IQGAP3: variants seen among roughly 807,000 people sequenced by gnomAD.
IQGAP3 encodes IQ motif containing GTPase activating protein 3.
In IQGAP3, 165 loss-of-function variants were observed where a neutral mutation model predicts 208.2. The observed-to-expected ratio is 0.79, with a 90% CI of 0.70 to 0.90. The LOEUF (loss-of-function observed/expected upper bound fraction) is 0.90. Among genes scored for constraint, IQGAP3 ranks in the 40% least tolerant of loss-of-function variants. The pLI is 0.00. For missense variants in IQGAP3, 1,811 were observed against 2,043.1 expected, an observed-to-expected ratio of 0.89 and a Z score of 2.19; for synonymous variants, 703 against 803.6, an observed-to-expected ratio of 0.87 and a Z score of 2.12.
At chr1:156,572,394 G>T in intron 1 of IQGAP3, 99 bp downstream of exon 1, 1 of 1,334,608 alleles carries the variant, frequency 7.5e-7, no homozygotes, top group Non-Finnish European at 1.1e-6. Context: ...CGCCCCTCAG[G>T]CTTCACGCCC....
At chr1:156,548,793 C>T (rs1272311353) in intron 16 of IQGAP3, 45 bp from the exon 17 acceptor site, 1 of 1,508,272 alleles carries the variant, frequency 6.6e-7, no homozygotes, top group Non-Finnish European at 8.8e-7. Flanking sequence ...TCCCCCGAGT[C>T]CCTCCCATGG....
chr1:156,552,350 A>C (rs775979651), intron 13 of IQGAP3, among the ~76,000 whole-genome samples: 1 of 152,114 alleles, frequency 6.6e-6, no homozygotes, highest in African/African-American at 2.4e-5. Flanking sequence ...GATCTCACCC[A>C]ATCTCATGAC....
rs1675522285 is a variant in IQGAP3 at position 156,551,030 on chromosome 1, TA to T, written c.1734+674del. Among the ~76,000 whole-genome samples, 7 of 152,362 alleles carry T rather than the reference TA, an allele frequency of 4.6e-5. No individual in the cohort carries two copies. In the South Asian group the frequency reaches 1.4e-3, roughly 32 times the overall value. ...ACTGACTATGTGCCAGGCAGTATTC[TA>T]AAGCACTTTCTTATGCATTAATACT... On this transcript the variant is annotated intron_variant, in intron 15 of 37. Transcript: ENST00000361170.
At chr1:156,561,075 G>T in intron 10 of IQGAP3, 54 bp from the exon 11 acceptor site, 1 of 1,332,842 alleles carries the variant, frequency 7.5e-7, no homozygotes, top group Non-Finnish European at 1.1e-6. Flanking sequence ...CCATGACCAT[G>T]CTTTACGAGT....
In IQGAP3 at chr1:156,559,550, C is replaced by T. The variant is rs149038047; in HGVS notation, c.1129+1384G>A. Among the ~76,000 whole-genome samples, 487 of 152,330 alleles carry T rather than the reference C, an allele frequency of 3.2e-3. 6 individuals are homozygous for T. The highest frequency in any genetic ancestry group is 7.3e-3 in the Admixed American group (111 of 15,304). On this transcript the variant is annotated intron_variant, in intron 11 of 37. Coordinates refer to ENST00000361170, the MANE Select transcript of IQGAP3 (RefSeq NM_178229.5). ...CACCTCCCGCCACCCCCACACAATG[C>T]TATGGCAGAGCAGGGGAGGAGGGAT...
intron 26 of IQGAP3, among the ~76,000 whole-genome samples, chr1:156,538,422 C>T (rs963249372): frequency 6.6e-6 from 1 of 152,150 alleles, no homozygotes; most frequent in African/African-American, 2.4e-5. Context: ...CTCCTGACCT[C>T]AGGTGATCTG....
chr1:156,551,578 C>A (rs930140393), intron 15 of IQGAP3, 127 bp downstream of exon 15: 1 of 983,756 alleles, frequency 1.0e-6, no homozygotes, highest in Non-Finnish European at 1.5e-6. Context: ...GATTGGAACA[C>A]CCCCCTCACC....
chr1:156,552,104 G>C lies in IQGAP3; in HGVS notation c.1449-9C>G, dbSNP rs566456282. 1.2e-6 allele frequency: 2 copies of C among 1,613,538 alleles called. No homozygotes were observed. Among genetic ancestry groups the C allele is most frequent in the Admixed American group, 3.3e-5 (2 of 59,954 alleles). ...GCAGGGCATCGAAGTAACTGGCAGTGGGGTGAAGGGCAGAGAGGTGAGTAG... is the reference window on the plus strand; with the variant it reads ...GCAGGGCATCGAAGTAACTGGCAGTCGGGTGAAGGGCAGAGAGGTGAGTAG... On this transcript the variant is annotated splice_polypyrimidine_tract_variant and intron_variant, in intron 13 of 37. Transcript: ENST00000361170.
At position 156,554,851 on chromosome 1, in the gene IQGAP3, G is replaced by A. The variant is rs539778353; in HGVS notation, c.1291-459C>T. The stretch of plus-strand genomic sequence containing the variant: ...GTGGACAGATCGCTTGAGCTCAGGA[G>A]TTTGAGACCAGCTTGGCCAACATGG... On this transcript the variant is annotated intron_variant, in intron 12 of 37. Coordinates refer to ENST00000361170, the MANE Select transcript of IQGAP3 (RefSeq NM_178229.5). 3.7e-4 allele frequency among the ~76,000 whole-genome samples: 56 copies of A among 152,278 alleles called. No homozygotes were observed. In the South Asian group the frequency reaches 7.9e-3, roughly 21 times the overall value.
chr1:156,526,506 T>C lies in IQGAP3; in HGVS notation c.4876A>G (p.Lys1626Glu), dbSNP rs754377033. Residue 1626 changes from lysine (K) to glutamate (E), a missense_variant, in exon 38 of 38, where the codon AAG (lysine) becomes GAG (glutamate). Transcript: ENST00000361170. ...CTCTGTCACTTCCGCAAAAACTTCTTGTTGAGGAGGAAGATGAGAAGGTTG... is the reference window on the plus strand; with the variant it reads ...CTCTGTCACTTCCGCAAAAACTTCTCGTTGAGGAGGAAGATGAGAAGGTTG... ...NVNLLIFLLN[K>E]KFLRK 2.9e-5 allele frequency: 46 copies of C among 1,613,444 alleles called. 1 individual carries two copies. The East Asian group carries it at 3.8e-4, about 13-fold the overall frequency.
intron 11 of IQGAP3, 98 bp from the exon 12 acceptor site, chr1:156,556,791 AAAT>A: frequency 8.3e-7 from 1 of 1,200,256 alleles, no homozygotes. Flanking sequence ...CTTGGTGGGG[AAAT>A]GGCTTTCCAA....
At chr1:156,559,495 T>C (rs1676048773) in intron 11 of IQGAP3, among the ~76,000 whole-genome samples, 1 of 152,310 alleles carries the variant, frequency 6.6e-6, no homozygotes, top group South Asian at 2.1e-4. Flanking sequence ...GTACCTACAG[T>C]GCACTGCTGT....
intron 24 of IQGAP3, 126 bp downstream of exon 24, chr1:156,539,712 G>T: frequency 8.0e-7 from 1 of 1,246,816 alleles, no homozygotes; most frequent in Non-Finnish European, 1.1e-6. Flanking sequence ...CCTTTCCTGG[G>T]GATAAGGAAT....
intron 4 of IQGAP3, 56 bp from the exon 5 acceptor site, chr1:156,564,747 G>A (rs4661185): frequency 0.68 from 840,924 of 1,241,928 alleles, 289,294 homozygotes; most frequent in Non-Finnish European, 0.72. Flanking sequence ...ACCACCAAAT[G>A]CGGAGAGGGG....
Position 156,537,178 on chromosome 1 carries a change from T to C in IQGAP3, c.3422+3A>G. On this transcript the variant is annotated splice_donor_region_variant and intron_variant, in intron 27 of 37. Coordinates refer to ENST00000361170, the MANE Select transcript of IQGAP3 (RefSeq NM_178229.5). Reference sequence around the variant, plus strand: ...TAGGCTGGGGTGGGGCTGTTGCACATACGGAATTTGGTCCACAGATGAGGT... The same window carrying C: ...TAGGCTGGGGTGGGGCTGTTGCACACACGGAATTTGGTCCACAGATGAGGT... 6.2e-7 allele frequency: 1 copy of C among 1,612,634 alleles called. No individual in the cohort carries two copies. Among genetic ancestry groups the C allele is most frequent in the South Asian group, 1.1e-5 (1 of 90,878 alleles).
At chr1:156,550,580 G>A (rs913280981) in intron 15 of IQGAP3, among the ~76,000 whole-genome samples, 2 of 152,092 alleles carry the variant, frequency 1.3e-5, no homozygotes, top group African/African-American at 4.8e-5. Flanking sequence ...AGGTCTACTC[G>A]GCTTGGCCAC....
At chr1:156,535,380 CCTCCACTAGCCATAGCCAG>C (rs1352350932) in intron 27 of IQGAP3, 133 bp from the exon 28 acceptor site, 1 of 632,032 alleles carries the variant, frequency 1.6e-6, no homozygotes, top group Non-Finnish European at 2.8e-6. Flanking sequence ...AAGCACTGTC[CCTCCACTAGCCATAGCCAG>C]CTCCCTGCTG....
chr1:156,572,437 A>C (rs1271410537), intron 1 of IQGAP3, 56 bp downstream of exon 1: 21 of 1,576,654 alleles, frequency 1.3e-5, no homozygotes, highest in Non-Finnish European at 1.7e-5. Flanking sequence ...GGGACAGCCA[A>C]GCCCCCGACC....
At chr1:156,561,316 T>A (rs541601832) in intron 10 of IQGAP3, among the ~76,000 whole-genome samples, 26 of 152,210 alleles carry the variant, frequency 1.7e-4, no homozygotes, top group African/African-American at 5.8e-4. Context: ...TACAAGCGTG[T>A]GCCACCACAC....
Sources: allele counts gnomAD v4.1 joint callset (sites outside exome capture counted in the v4.1 genomes callset), GRCh38; gene constraint gnomAD v4.1.1; transcripts MANE v1.5; gene names NCBI Gene and HGNC (gene_info 2026-07-23, HGNC 2026-07-21).